CCDC92B: variants seen among roughly 807,000 people sequenced by gnomAD.
CCDC92B encodes coiled-coil domain containing 92B.
Under a neutral mutation model 5.6 loss-of-function variants are expected in CCDC92B, and 2 were observed. The ratio of observed to expected loss-of-function variants is 0.36; its 90% CI spans 0.15 to 1.12. The LOEUF (loss-of-function observed/expected upper bound fraction) is 1.12, where lower values mean the gene tolerates loss of function less well. CCDC92B is among the 50% of genes most tolerant of loss of function. The pLI is 0.40. For synonymous variants in CCDC92B, 115 were observed against 122.3 expected (o/e 0.94, Z 0.39); for missense variants, 271 against 262.2 (o/e 1.03, Z -0.23).
chr17:2,743,355 C>T (rs1364859147), intron 1 of CCDC92B, among the ~76,000 whole-genome samples: 4 of 151,868 alleles, frequency 2.6e-5, no homozygotes, highest in Non-Finnish European at 5.9e-5. Flanking sequence ...CTCTTGAACC[C>T]GGGAGGCAGA....
At chr17:2,734,696 T>G (rs944927734) in intron 2 of CCDC92B, among the ~76,000 whole-genome samples, 7 of 151,774 alleles carry the variant, frequency 4.6e-5, no homozygotes, top group Non-Finnish European at 8.8e-5. Flanking sequence ...CACCATGTTG[T>G]CCAGGATGGT....
In CCDC92B at chr17:2,737,465, CTTTTTTTTTTTTT is replaced by C. The variant is rs34254249; in HGVS notation, c.-23-2310_-23-2298del. On this transcript the variant is annotated intron_variant, in intron 1 of 3. Transcript: ENST00000614400. ...CCCTAATCCAACCAAATAGGCCTTT[CTTTTTTTTTTTTT>C]TTTTTTTTTTTTTTGAGACGGAGTC... Among the ~76,000 whole-genome samples the C allele has an allele frequency of 7.6e-3, 456 of 60,378 alleles. 3 individuals carry two copies. The highest frequency in any genetic ancestry group is 0.023 in the Middle Eastern group (2 of 88). The allele number at this position is 60,378 out of a possible 152,430, so 39.6% of individuals were successfully genotyped here. A position where few individuals can be genotyped will look rare whatever the true frequency, so the allele number is the denominator to read the frequency against.
chr17:2,736,535 C>A (rs888630505), intron 1 of CCDC92B, among the ~76,000 whole-genome samples: 5 of 151,822 alleles, frequency 3.3e-5, no homozygotes, highest in Admixed American at 2.0e-4. Context: ...CTGCGTGAGT[C>A]CAGGAGTTTG....
chr17:2,731,293 C>T (rs2151739512), intron 2 of CCDC92B, among the ~76,000 whole-genome samples: 1 of 152,246 alleles, frequency 6.6e-6, no homozygotes, highest in Middle Eastern at 3.4e-3. Context: ...GTCCCCCAAG[C>T]CCCATTTCTC....
intron 1 of CCDC92B, among the ~76,000 whole-genome samples, chr17:2,735,568 T>A (rs911636228): frequency 6.6e-6 from 1 of 152,100 alleles, no homozygotes; most frequent in African/African-American, 2.4e-5. Context: ...GTAGCTGGGA[T>A]TACAGGCAGC....
chr17:2,733,221 T>C (rs1008086565), intron 2 of CCDC92B, among the ~76,000 whole-genome samples: 1 of 150,912 alleles, frequency 6.6e-6, no homozygotes, highest in South Asian at 2.1e-4. Context: ...CAGAAAGAAA[T>C]GACAGGAGCT....
At chr17:2,732,751 C>T (rs996671782) in intron 2 of CCDC92B, among the ~76,000 whole-genome samples, 2 of 150,578 alleles carry the variant, frequency 1.3e-5, no homozygotes, top group Admixed American at 6.6e-5. Flanking sequence ...CGGTGGCTCA[C>T]GCCTGTAATC....
chr17:2,721,343 C>T lies in CCDC92B; in HGVS notation c.*3068G>A, dbSNP rs1204659688. ...GAGCTCCGCCTAGGGACCTGAGTGT[C>T]CTCTTCAACACTCTCTCTCCCAATG... On this transcript the variant is annotated 3_prime_UTR_variant, in exon 4 of 4. Coordinates refer to ENST00000614400, the MANE Select transcript of CCDC92B (RefSeq NM_001355573.2). 6.6e-6 allele frequency: 1 copy of T among 152,294 alleles called. No homozygotes were observed. Among genetic ancestry groups the T allele is most frequent in the East Asian group, 1.9e-4 (1 of 5,196 alleles). 9.4% of individuals were successfully genotyped at this position (152,294 alleles called of 1,614,324 possible).
chr17:2,736,883 A>AAAATAAATAAATAAAT lies in CCDC92B; in HGVS notation c.-23-1731_-23-1716dup, dbSNP rs71377535. On this transcript the variant is annotated intron_variant, in intron 1 of 3. Transcript: ENST00000614400. ...GCAACAGAGTGAGACTCTGTCTCAA[A>AAAATAAATAAATAAAT]AAATAAATAAATAAATAAATAAATA... 3.4e-3 allele frequency among the ~76,000 whole-genome samples: 502 copies of AAAATAAATAAATAAAT among 145,972 alleles called. 9 individuals carry two copies. Among genetic ancestry groups the AAAATAAATAAATAAAT allele is most frequent in the African/African-American group, 0.012 (477 of 38,894 alleles).
chr17:2,749,225 C>A (rs921872282), intron 1 of CCDC92B, among the ~76,000 whole-genome samples, 186 bp downstream of exon 1: 1 of 152,086 alleles, frequency 6.6e-6, no homozygotes, highest in Non-Finnish European at 1.5e-5. Context: ...CCAGGCAGGG[C>A]CCGGGTCTGG....
chr17:2,740,703 G>A (rs1289920218), intron 1 of CCDC92B, among the ~76,000 whole-genome samples: 1 of 151,588 alleles, frequency 6.6e-6, no homozygotes, highest in Non-Finnish European at 1.5e-5. Context: ...TAAGAGCCCC[G>A]AGCAGAGGAC....
chr17:2,741,457 A>C (rs1248873069), intron 1 of CCDC92B, among the ~76,000 whole-genome samples: 1 of 151,890 alleles, frequency 6.6e-6, no homozygotes, highest in Non-Finnish European at 1.5e-5. Context: ...CGGGCAGATC[A>C]CCTGAGGTCA....
Position 2,724,654 on chromosome 17 carries a change from G to A in CCDC92B, c.525C>T (p.Arg175=). The stretch of plus-strand genomic sequence containing the variant: ...CGGCGGCCTCGTGGGCAGCAGGCGG[G>A]CGGCGGGCTCGCAGTGCGCGGCGGC... ...RPRRRALRAR[R]PPAAHEAAAK... Residue 175 remains arginine, a synonymous_variant, in exon 4 of 4, where the codon CGC becomes CGT. Transcript: ENST00000614400. This position sits in a 1 kb window ranked among gnomAD's most constrained non-coding sequence, Gnocchi z 5.0. 2 of 981,824 alleles carry A rather than the reference G, an allele frequency of 2.0e-6. No individual in the cohort carries two copies. The highest frequency in any genetic ancestry group is 2.4e-6 in the Non-Finnish European group (2 of 828,246). 60.8% of individuals were successfully genotyped at this position (981,824 alleles called of 1,614,324 possible).
intron 2 of CCDC92B, among the ~76,000 whole-genome samples, chr17:2,732,167 A>G (rs999955757): frequency 6.6e-6 from 1 of 152,126 alleles, no homozygotes; most frequent in African/African-American, 2.4e-5. Context: ...CCACCCCAGA[A>G]CGTACCCACC....
chr17:2,734,784 A>G (rs753817015), intron 2 of CCDC92B, among the ~76,000 whole-genome samples: 3 of 152,024 alleles, frequency 2.0e-5, no homozygotes, highest in East Asian at 1.9e-4. Flanking sequence ...CACCGCGCCC[A>G]GCCCTAACCA....
Position 2,724,250 on chromosome 17 carries a change from A to T in CCDC92B, c.*161T>A. The T allele has an allele frequency of 1.0e-6, 1 of 985,178 alleles. No homozygotes were observed. The allele number at this position is 985,178 out of a possible 1,614,324, so 61.0% of individuals were successfully genotyped here. On this transcript the variant is annotated 3_prime_UTR_variant, in exon 4 of 4. Coordinates refer to ENST00000614400, the MANE Select transcript of CCDC92B (RefSeq NM_001355573.2). The surrounding 1 kb of genome is among the most constrained non-coding windows in gnomAD (Gnocchi z 5.0). ...CTTTGGAAACGTCGGGAAGTACAAA[A>T]GGCTGGCGGTTCGGGGATTTGGGGG...
intron 2 of CCDC92B, among the ~76,000 whole-genome samples, chr17:2,732,089 CG>C (rs1368177855): frequency 6.6e-6 from 1 of 152,194 alleles, no homozygotes; most frequent in East Asian, 1.9e-4. Context: ...AAAAAAACAG[CG>C]GGCTTGGCCC....
chr17:2,737,441 C>G lies in CCDC92B; in HGVS notation c.-23-2273G>C, dbSNP rs572817120. On this transcript the variant is annotated intron_variant, in intron 1 of 3. Transcript: ENST00000614400. ...CTTTCTCTGGTACTCCCCTGACCCC[C>G]CTAATCCAACCAAATAGGCCTTTCT... Among the ~76,000 whole-genome samples the G allele has an allele frequency of 4.0e-5, 6 of 151,628 alleles. No individual in the cohort carries two copies. In the East Asian group the frequency reaches 1.2e-3, roughly 29 times the overall value.
chr17:2,733,465 G>A (rs2070820156), intron 2 of CCDC92B, among the ~76,000 whole-genome samples: 1 of 150,558 alleles, frequency 6.6e-6, no homozygotes, highest in African/African-American at 2.5e-5. Context: ...CTCCATGTTG[G>A]TCAGGCTGGT....
Sources: allele counts gnomAD v4.1 joint callset (sites outside exome capture counted in the v4.1 genomes callset), GRCh38; gene constraint gnomAD v4.1.1; non-coding constraint Gnocchi (gnomAD v3.1); transcripts MANE v1.5; gene names NCBI Gene and HGNC (gene_info 2026-07-23, HGNC 2026-07-21).